Variants in ULK4 observed in about 807,000 individuals in gnomAD.
The protein encoded by ULK4 is unc-51 like kinase 4, also known as inactive serine/threonine-protein kinase ULK4.
Under a neutral mutation model 160.6 loss-of-function variants are expected in ULK4, and 133 were observed. That is an observed-to-expected ratio of 0.83 (90% CI 0.72 to 0.96). The LOEUF (loss-of-function observed/expected upper bound fraction) is 0.96. Ranked by LOEUF, ULK4 falls within the 40% of genes least tolerant of loss-of-function variation. The pLI, the probability that ULK4 is intolerant of heterozygous loss-of-function variation, is 0.00. For missense variants in ULK4, 1,580 were observed against 1,499.5 expected, an observed-to-expected ratio of 1.05 and a Z score of -0.89; for synonymous variants, 534 against 539.8, an observed-to-expected ratio of 0.99 and a Z score of 0.15.
intron 30 of ULK4, among the ~76,000 whole-genome samples, chr3:41,661,723 G>C (rs900509858): frequency 1.3e-5 from 2 of 152,070 alleles, no homozygotes; most frequent in African/African-American, 4.8e-5. Flanking sequence ...GGCAAAAACA[G>C]TATATTCAAA....
chr3:41,538,743 A>G (rs1437709501), intron 32 of ULK4, among the ~76,000 whole-genome samples: 2 of 152,138 alleles, frequency 1.3e-5, no homozygotes, highest in Non-Finnish European at 2.9e-5. Context: ...TTATAGTAGT[A>G]AAGTATCACA....
intron 35 of ULK4, among the ~76,000 whole-genome samples, chr3:41,312,829 TC>T (rs1295756898): frequency 6.6e-6 from 1 of 151,704 alleles, no homozygotes; most frequent in Non-Finnish European, 1.5e-5. Context: ...CAAAAACTAA[TC>T]AACCAAACAA....
At position 41,951,108 on chromosome 3, in the gene ULK4, G is replaced by C. The variant is rs183796002; in HGVS notation, c.138+3514C>G. On this transcript the variant is annotated intron_variant, in intron 2 of 36. Coordinates refer to ENST00000301831, the MANE Select transcript of ULK4 (RefSeq NM_017886.4). ...TACAGTAAGCCGAGATTGTGTCACT[G>C]CACTCCAGCCTGGAGGACAGAGCGA... Among the ~76,000 whole-genome samples, 1,094 of 122,336 alleles carry C rather than the reference G, an allele frequency of 8.9e-3. 10 individuals are homozygous for C. The highest frequency in any genetic ancestry group is 0.061 in the Middle Eastern group (9 of 148). The allele number at this position is 122,336 out of a possible 152,430, so 80.3% of individuals were successfully genotyped here.
intron 12 of ULK4, 92 bp from the exon 13 acceptor site, chr3:41,900,921 G>C: frequency 1.2e-6 from 1 of 832,740 alleles, no homozygotes; most frequent in Non-Finnish European, 2.0e-6. Flanking sequence ...AGACACCACT[G>C]TAAAATATCA....
In ULK4 at chr3:41,455,939, T is replaced by C. The variant is rs1266590682; in HGVS notation, c.3394-344A>G. Among the ~76,000 whole-genome samples, 3 of 152,156 alleles carry C rather than the reference T, an allele frequency of 2.0e-5. No individual in the cohort carries two copies. The East Asian group carries it at 5.8e-4, about 29-fold the overall frequency. ...TTTTTTTTCTTTTTGAGTTGGAGTC[T>C]CCCTCTGTCACCCAGGCTGTTGTGC... On this transcript the variant is annotated intron_variant, in intron 33 of 36. Coordinates refer to ENST00000301831, the MANE Select transcript of ULK4 (RefSeq NM_017886.4).
chr3:41,938,082 A>G lies in ULK4; in HGVS notation c.238+16T>C, dbSNP rs537279699. 73 of 1,571,384 alleles carry G rather than the reference A, an allele frequency of 4.6e-5. No homozygotes were observed. In the South Asian group the frequency reaches 7.7e-4, roughly 17 times the overall value. On this transcript the variant is annotated intron_variant, in intron 3 of 36. Coordinates refer to ENST00000301831, the MANE Select transcript of ULK4 (RefSeq NM_017886.4). ...CAATACTATATTCATAGCACTTTTT[A>G]CATACTCTTTCTTACCTGTGCAGAG...
Position 41,835,991 on chromosome 3 carries a change from A to G in ULK4, c.1657-20T>C, listed in dbSNP as rs770840160. The G allele has an allele frequency of 2.7e-6, 4 of 1,506,696 alleles. No homozygotes were observed. Among genetic ancestry groups the G allele is most frequent in the Non-Finnish European group, 2.8e-6 (3 of 1,089,974 alleles). 93.3% of individuals were successfully genotyped at this position (1,506,696 alleles called of 1,614,324 possible). A position where few individuals can be genotyped will look rare whatever the true frequency, so the allele number is the denominator to read the frequency against. On this transcript the variant is annotated intron_variant, in intron 17 of 36. Coordinates refer to ENST00000301831, the MANE Select transcript of ULK4 (RefSeq NM_017886.4). The stretch of plus-strand genomic sequence containing the variant: ...AATTGCCTGCAAAGACAAAAAAAAA[A>G]AAAGTAAATTATTTCAAATGTATCT...
chr3:41,663,803 T>C (rs1414974870), intron 29 of ULK4, 104 bp from the exon 30 acceptor site: 1 of 925,104 alleles, frequency 1.1e-6, no homozygotes, highest in Non-Finnish European at 1.7e-6. Flanking sequence ...GACAGAAAGA[T>C]ATTTTACACA....
At chr3:41,937,120 T>C in intron 3 of ULK4, 1 of 449,754 alleles carries the variant, frequency 2.2e-6, no homozygotes, top group Admixed American at 3.8e-5. Flanking sequence ...CATTGAAAAG[T>C]TGAATATGAA....
chr3:41,599,008 C>G (rs972038481), intron 31 of ULK4, among the ~76,000 whole-genome samples: 1 of 152,190 alleles, frequency 6.6e-6, no homozygotes, highest in Non-Finnish European at 1.5e-5. Flanking sequence ...AGCCTGCATT[C>G]CTTTGCCTGT....
chr3:41,829,446 GAAAAA>G (rs796407503), intron 18 of ULK4, among the ~76,000 whole-genome samples: 2 of 147,414 alleles, frequency 1.4e-5, no homozygotes, highest in African/African-American at 5.0e-5. Context: ...AAATTTACAA[GAAAAA>G]AAAACAAACA....
chr3:41,643,307 C>G (rs7622642), intron 30 of ULK4, among the ~76,000 whole-genome samples: 78,931 of 151,724 alleles, frequency 0.52, 22,617 homozygotes, highest in African/African-American at 0.77. Flanking sequence ...TTTTCTTCTA[C>G]GGTTTTTATG....
intron 17 of ULK4, among the ~76,000 whole-genome samples, chr3:41,857,947 A>G (rs1381863182): frequency 6.6e-6 from 1 of 151,766 alleles, no homozygotes; most frequent in African/African-American, 2.4e-5. Flanking sequence ...CTCCATTTCA[A>G]TTTCATTTAT....
At chr3:41,842,554 T>A (rs1232762178) in intron 17 of ULK4, among the ~76,000 whole-genome samples, 1 of 151,276 alleles carries the variant, frequency 6.6e-6, no homozygotes, top group Non-Finnish European at 1.5e-5. Flanking sequence ...TCACTCTTAG[T>A]TCTCAGGAGA....
chr3:41,625,322 C>T (rs1309706287), intron 30 of ULK4, among the ~76,000 whole-genome samples: 1 of 152,024 alleles, frequency 6.6e-6, no homozygotes, highest in Non-Finnish European at 1.5e-5. Context: ...AAGGAGATTG[C>T]TTTAGAGACA....
At chr3:41,782,972 G>C (rs1467125514) in intron 21 of ULK4, among the ~76,000 whole-genome samples, 1 of 149,656 alleles carries the variant, frequency 6.7e-6, no homozygotes, top group African/African-American at 2.5e-5. Flanking sequence ...ACACATCACT[G>C]AATAGGAGAA....
intron 1 of ULK4, among the ~76,000 whole-genome samples, chr3:41,956,513 C>T (rs1700490591): frequency 2.0e-5 from 3 of 152,140 alleles, no homozygotes; most frequent in Non-Finnish European, 1.5e-5. Context: ...GGACAACTTG[C>T]GGTCAAGACC....
At chr3:41,387,197 C>G (rs2081835174) in intron 35 of ULK4, among the ~76,000 whole-genome samples, 2 of 152,012 alleles carry the variant, frequency 1.3e-5, no homozygotes, top group African/African-American at 4.8e-5. Context: ...ATTAAGATAT[C>G]TATCATTTAA....
At position 41,367,696 on chromosome 3, in the gene ULK4, T is replaced by C. The variant is rs187986744; in HGVS notation, c.3678+30383A>G. On this transcript the variant is annotated intron_variant, in intron 35 of 36. Transcript: ENST00000301831. ...AATTTCTCAAATTAGGCATCTATTA[T>C]TGATAACTTGCCCTGTTTATAGTGA... Among the ~76,000 whole-genome samples, 67 of 152,342 alleles carry C rather than the reference T, an allele frequency of 4.4e-4. 1 individual carries two copies. Among genetic ancestry groups the C allele is most frequent in the African/African-American group, 1.5e-3 (64 of 41,580 alleles).
Sources: gnomAD v4.1 joint callset for allele counts (sites outside exome capture counted in the v4.1 genomes callset) on GRCh38, gnomAD v4.1.1 for gene constraint, MANE v1.5 for transcripts, NCBI Gene and HGNC (gene_info 2026-07-23, HGNC 2026-07-21) for gene names.